The following SLC7A11 variants were observed in gnomAD, a reference collection of about 807,000 sequenced individuals.
SLC7A11 encodes the protein solute carrier family 7 member 11, also known as cystine/glutamate transporter.
A neutral mutation model predicts 54.5 loss-of-function variants in SLC7A11; 35 were observed. The ratio of observed to expected loss-of-function variants is 0.64; its 90% confidence interval spans 0.49 to 0.85. SLC7A11 has a LOEUF of 0.85. Among genes scored for constraint, SLC7A11 ranks in the 40% least tolerant of loss-of-function variants. The pLI is 0.00. For synonymous variants in SLC7A11, 230 were observed against 225.2 expected, an observed-to-expected ratio of 1.02 and a Z score of -0.19; for missense variants, 583 against 618.1, an observed-to-expected ratio of 0.94 and a Z score of 0.60.
intron 6 of SLC7A11, among the ~76,000 whole-genome samples, chr4:138,192,603 T>C (rs1737037924): frequency 1.3e-5 from 2 of 152,160 alleles, no homozygotes; most frequent in Non-Finnish European, 2.9e-5. Context: ...TAGCTTTTAA[T>C]TAGTCTATAC....
At position 138,223,280 on chromosome 4, in the gene SLC7A11, G is replaced by A. The variant is rs201460766; in HGVS notation, c.565C>T (p.Arg189Trp). Reference protein sequence around the residue: ...LNSMSVSWSARIQIFLTFCKL... With the variant: ...LNSMSVSWSAWIQIFLTFCKL... ...CAAAAGGTTAAGAAAATCTGGATCC[G>A]GGCGCTCCAGCTGACACTCATGCTA... is the stretch of plus-strand genomic sequence containing the variant. The change falls in exon 4 of 12, where the codon CGG becomes TGG. Residue 189 changes from arginine (R) to tryptophan (W), a missense_variant. Physicochemically the swap from Arg to Trp is moderately radical, Grantham distance 101. Coordinates refer to ENST00000280612, the MANE Select transcript of SLC7A11 (RefSeq NM_014331.4). 5.6e-6 allele frequency: 9 copies of A among 1,613,426 alleles called. No individual in the cohort carries two copies. In the East Asian group the frequency reaches 8.9e-5, roughly 16 times the overall value.
At chr4:138,199,071 C>T (rs1322222097) in intron 6 of SLC7A11, among the ~76,000 whole-genome samples, 1 of 151,954 alleles carries the variant, frequency 6.6e-6, no homozygotes, top group Non-Finnish European at 1.5e-5. Context: ...AAAGCCCTGG[C>T]CTTGGGAATC....
Position 138,170,271 on chromosome 4 carries a change from T to TATATATATATAC in SLC7A11, c.*1684_*1685insGTATATATATAT, listed in dbSNP as rs752680028. 21 of 86,238 alleles carry TATATATATATAC rather than the reference T, an allele frequency of 2.4e-4. No individual in the cohort carries two copies. Among genetic ancestry groups the TATATATATATAC allele is most frequent in the South Asian group, 2.1e-3 (4 of 1,884 alleles). The allele number at this position is 86,238 out of a possible 1,614,324, so 5.3% of individuals were successfully genotyped here. Reference sequence around the variant, plus strand: ...GTGTGTATATATATATATATATATATACACACACACACACACACACACATA... The same window carrying TATATATATATAC: ...GTGTGTATATATATATATATATATATATATATATATACACACACACACACACACACACACATA... On this transcript the variant is annotated 3_prime_UTR_variant, in exon 12 of 12. Transcript: ENST00000280612.
chr4:138,239,880 T>G (rs911834229), intron 1 of SLC7A11, among the ~76,000 whole-genome samples: 1 of 152,188 alleles, frequency 6.6e-6, no homozygotes, highest in Non-Finnish European at 1.5e-5. Flanking sequence ...AGTAAACTGG[T>G]TGTGGTTTTT....
At chr4:138,197,215 T>G (rs1469741760) in intron 6 of SLC7A11, among the ~76,000 whole-genome samples, 1 of 152,154 alleles carries the variant, frequency 6.6e-6, no homozygotes, top group East Asian at 1.9e-4. Flanking sequence ...AATTTATTCA[T>G]GTTTAATCTA....
chr4:138,212,104 C>G (rs141956316), intron 6 of SLC7A11, among the ~76,000 whole-genome samples: 1 of 151,736 alleles, frequency 6.6e-6, no homozygotes, highest in Non-Finnish European at 1.5e-5. Flanking sequence ...CATTACACAT[C>G]GTATGCATGC....
chr4:138,166,257 T>G lies in SLC7A11; in HGVS notation c.*5699A>C, dbSNP rs763995068. ...TTAGTTAGTAGGAAAATTTGATGTC[T>G]AAATTTTATAATACACATTTAAGTC... On this transcript the variant is annotated 3_prime_UTR_variant, in exon 12 of 12. Transcript: ENST00000280612. 6.6e-6 allele frequency: 1 copy of G among 152,158 alleles called. No individual in the cohort carries two copies. Among genetic ancestry groups the G allele is most frequent in the Non-Finnish European group, 1.5e-5 (1 of 68,020 alleles). 9.4% of individuals were successfully genotyped at this position (152,158 alleles called of 1,614,324 possible).
Position 138,242,091 on chromosome 4 carries a change from A to ATGTCCT in SLC7A11, c.-23_-22insAGGACA. The ATGTCCT allele has an allele frequency of 6.2e-7, 1 of 1,609,828 alleles. No individual in the cohort carries two copies. The highest frequency in any genetic ancestry group is 1.1e-5 in the South Asian group (1 of 90,834). Reference sequence around the variant, plus strand: ...CCATAGTAGGGACACACGGGGGAAAAATAAAACAGAGGGAAAGAAAACAAA... The same window carrying ATGTCCT: ...CCATAGTAGGGACACACGGGGGAAAATGTCCTATAAAACAGAGGGAAAGAAAACAAA... On this transcript the variant is annotated 5_prime_UTR_variant, in exon 1 of 12. Transcript: ENST00000280612.
chr4:138,190,212 A>T (rs1051475400), intron 6 of SLC7A11, among the ~76,000 whole-genome samples: 1 of 152,156 alleles, frequency 6.6e-6, no homozygotes, highest in African/African-American at 2.4e-5. Flanking sequence ...AAAAATTCTA[A>T]ATATTTTAAC....
At position 138,181,346 on chromosome 4, in the gene SLC7A11, G is replaced by A. The variant is rs139483085; in HGVS notation, c.1117-556C>T. ...CATTTACTCTCCTGGTGTGCTTGCC[G>A]TGTGTGACCCTCAAGACCACGGAGA... is the stretch of plus-strand genomic sequence containing the variant. On this transcript the variant is annotated intron_variant, in intron 9 of 11. Transcript: ENST00000280612. Among the ~76,000 whole-genome samples, 423 of 152,086 alleles carry A rather than the reference G, an allele frequency of 2.8e-3. 3 individuals carry two copies. Among genetic ancestry groups the A allele is most frequent in the African/African-American group, 6.8e-3 (284 of 41,484 alleles).
intron 7 of SLC7A11, among the ~76,000 whole-genome samples, chr4:138,184,398 G>A (rs1295783088): frequency 1.3e-5 from 2 of 152,066 alleles, no homozygotes; most frequent in East Asian, 3.9e-4. Context: ...AGAGTGAATG[G>A]TCTCTTACTA....
intron 10 of SLC7A11, 78 bp downstream of exon 10, chr4:138,180,563 A>T: frequency 6.9e-7 from 1 of 1,448,752 alleles, no homozygotes. Context: ...CAACCTCCCC[A>T]TCAGCAAGTT....
intron 11 of SLC7A11, among the ~76,000 whole-genome samples, chr4:138,173,761 ACT>A (rs1736496809): frequency 6.6e-6 from 1 of 151,724 alleles, no homozygotes; most frequent in Non-Finnish European, 1.5e-5. Context: ...TAAATTATAA[ACT>A]CTGAGTGTTT....
rs36216785 is a variant in SLC7A11, at chr4:138,225,138, CTATATATATATATATA to C, written c.521-1830_521-1815del. On this transcript the variant is annotated intron_variant, in intron 3 of 11. Transcript: ENST00000280612. ...TCACTTGATTGAGACAATAATTTCA[CTATATATATATATATA>C]TATATATATATATATATAAATAAAA... Among the ~76,000 whole-genome samples the C allele has an allele frequency of 2.8e-4, 33 of 118,326 alleles. 1 individual carries two copies. Among genetic ancestry groups the C allele is most frequent in the South Asian group, 8.6e-4 (3 of 3,476 alleles). 77.6% of individuals were successfully genotyped at this position (118,326 alleles called of 152,430 possible).
chr4:138,178,018 C>T (rs998549146), intron 11 of SLC7A11: 2 of 152,120 alleles, frequency 1.3e-5, no homozygotes, highest in Admixed American at 6.6e-5. Flanking sequence ...ATAAAACTGC[C>T]TGAGTTTGAC....
At chr4:138,227,366 A>G (rs1020404299) in intron 3 of SLC7A11, among the ~76,000 whole-genome samples, 1 of 152,202 alleles carries the variant, frequency 6.6e-6, no homozygotes, top group Non-Finnish European at 1.5e-5. Context: ...CATTAATTTT[A>G]GAGAAGACAG....
chr4:138,172,670 T>C (rs576436226), intron 11 of SLC7A11, among the ~76,000 whole-genome samples: 2 of 152,216 alleles, frequency 1.3e-5, no homozygotes, highest in African/African-American at 2.4e-5. Context: ...GACACAAAAA[T>C]GTAGGAACTG....
Position 138,167,593 on chromosome 4 carries a change from T to G in SLC7A11, c.*4363A>C, listed in dbSNP as rs1013242668. The G allele has an allele frequency of 1.3e-5, 2 of 152,204 alleles. No homozygotes were observed. The highest frequency in any genetic ancestry group is 2.9e-5 in the Non-Finnish European group (2 of 68,042). 9.4% of individuals were successfully genotyped at this position (152,204 alleles called of 1,614,324 possible). ...GCTTAAATACACGTATAGGTAATAA[T>G]TATTTTGCCCATATACAAGTAATGT... On this transcript the variant is annotated 3_prime_UTR_variant, in exon 12 of 12. Coordinates refer to ENST00000280612, the MANE Select transcript of SLC7A11 (RefSeq NM_014331.4).
chr4:138,239,593 G>C (rs1402806851), intron 1 of SLC7A11, among the ~76,000 whole-genome samples: 1 of 152,120 alleles, frequency 6.6e-6, no homozygotes, highest in African/African-American at 2.4e-5. Flanking sequence ...ATTAATACAA[G>C]AGCACACTCC....
Sources: allele counts gnomAD v4.1 joint callset (sites outside exome capture counted in the v4.1 genomes callset), GRCh38; gene constraint gnomAD v4.1.1; transcripts MANE v1.5; gene names NCBI Gene and HGNC (gene_info 2026-07-23, HGNC 2026-07-21).